Variants in RANBP17 observed in about 807,000 individuals in gnomAD.
The protein encoded by RANBP17 is ran-binding protein 17.
A neutral mutation model predicts 141.2 loss-of-function variants in RANBP17; 158 were observed. That is an observed-to-expected ratio of 1.12 (90% CI 0.98 to 1.28). The LOEUF (loss-of-function observed/expected upper bound fraction) is 1.28. Among genes scored for constraint, RANBP17 ranks in the 50% most tolerant of loss-of-function variants. The pLI is 0.00. For missense variants in RANBP17, 1,438 were observed against 1,290.7 expected (o/e 1.11, Z -1.75); for synonymous variants, 430 against 450.0 (o/e 0.96, Z 0.56).
intron 14 of RANBP17, among the ~76,000 whole-genome samples, chr5:170,974,620 G>C (rs751394254): frequency 6.6e-6 from 1 of 152,150 alleles, no homozygotes; most frequent in Non-Finnish European, 1.5e-5. Flanking sequence ...TGGTGGCCCT[G>C]TCCTTCCAGC....
At chr5:171,082,294 A>G (rs1785303440) in intron 14 of RANBP17, among the ~76,000 whole-genome samples, 1 of 152,144 alleles carries the variant, frequency 6.6e-6, no homozygotes. Flanking sequence ...ATGATGATTA[A>G]TCAGCCATTT....
chr5:170,883,544 A>G (rs1415939452), intron 3 of RANBP17, among the ~76,000 whole-genome samples: 1 of 152,190 alleles, frequency 6.6e-6, no homozygotes, highest in Non-Finnish European at 1.5e-5. Context: ...GTATCCACCA[A>G]TATAGTATTA....
At chr5:170,948,334 C>T (rs779552759) in intron 12 of RANBP17, among the ~76,000 whole-genome samples, 2 of 152,002 alleles carry the variant, frequency 1.3e-5, no homozygotes. Context: ...GAAAAAATGG[C>T]AGATTCCCAA....
intron 12 of RANBP17, among the ~76,000 whole-genome samples, chr5:170,941,630 A>G (rs1774331675): frequency 6.6e-6 from 1 of 152,208 alleles, no homozygotes; most frequent in Non-Finnish European, 1.5e-5. Flanking sequence ...GAAAATGATC[A>G]ATAGCAAATA....
intron 14 of RANBP17, among the ~76,000 whole-genome samples, chr5:170,984,122 A>G (rs1777954601): frequency 6.6e-6 from 1 of 152,168 alleles, no homozygotes; most frequent in African/African-American, 2.4e-5. Context: ...CTGGGAAAGC[A>G]GACACATAGC....
chr5:171,256,744 A>C (rs796706867), intron 24 of RANBP17, among the ~76,000 whole-genome samples: 9 of 152,292 alleles, frequency 5.9e-5, no homozygotes, highest in African/African-American at 2.2e-4. Flanking sequence ...TGATCACAGA[A>C]ATATGAAAGA....
intron 12 of RANBP17, among the ~76,000 whole-genome samples, chr5:170,944,512 C>A (rs1774596696): frequency 6.6e-6 from 1 of 152,188 alleles, no homozygotes; most frequent in South Asian, 2.1e-4. Context: ...AAGTGATGTG[C>A]CTGCCTCAGC....
chr5:171,035,729 CT>C (rs1781831017), intron 14 of RANBP17, among the ~76,000 whole-genome samples: 1 of 72,396 alleles, frequency 1.4e-5, no homozygotes, highest in South Asian at 4.8e-4. Flanking sequence ...CTGTTTGTTT[CT>C]TTTTTTGTTT....
At chr5:171,114,266 T>G (rs1157880682) in intron 14 of RANBP17, among the ~76,000 whole-genome samples, 1 of 152,122 alleles carries the variant, frequency 6.6e-6, no homozygotes. Flanking sequence ...TGGCATACAT[T>G]TTGTATTTTT....
At chr5:171,281,954 C>G (rs1466209021) in intron 25 of RANBP17, among the ~76,000 whole-genome samples, 1 of 152,038 alleles carries the variant, frequency 6.6e-6, no homozygotes, top group Non-Finnish European at 1.5e-5. Flanking sequence ...TTTCCTTGGC[C>G]CCTTGCATTG....
At chr5:171,112,778 A>T (rs114815715) in intron 14 of RANBP17, among the ~76,000 whole-genome samples, 3,031 of 151,874 alleles carry the variant, frequency 0.02, 40 homozygotes, top group Non-Finnish European at 0.03. Context: ...TTTTGTTGGG[A>T]CACAATCTGC....
chr5:170,891,025 A>G (rs1235408864), intron 3 of RANBP17, among the ~76,000 whole-genome samples: 1 of 152,072 alleles, frequency 6.6e-6, no homozygotes, highest in Non-Finnish European at 1.5e-5. Flanking sequence ...GATGGGGTTT[A>G]TTTGTATTTT....
intron 24 of RANBP17, among the ~76,000 whole-genome samples, chr5:171,259,753 A>C (rs570790282): frequency 6.6e-6 from 1 of 152,110 alleles, no homozygotes; most frequent in South Asian, 2.1e-4. Flanking sequence ...GGCTGAGGTC[A>C]GTGGATCACT....
At chr5:171,075,914 C>G (rs1784890810) in intron 14 of RANBP17, among the ~76,000 whole-genome samples, 1 of 152,086 alleles carries the variant, frequency 6.6e-6, no homozygotes, top group African/African-American at 2.4e-5. Flanking sequence ...GATCATGCCA[C>G]TGCACTGCAG....
At chr5:170,950,843 T>C (rs1210047881) in intron 12 of RANBP17, among the ~76,000 whole-genome samples, 1 of 152,106 alleles carries the variant, frequency 6.6e-6, no homozygotes, top group African/African-American at 2.4e-5. Context: ...TTCCCGTTGA[T>C]GGATGGATAA....
intron 14 of RANBP17, among the ~76,000 whole-genome samples, chr5:171,010,111 G>T (rs568536303): frequency 8.5e-5 from 13 of 152,268 alleles, no homozygotes; most frequent in South Asian, 4.1e-4. Flanking sequence ...AAATTTGTAT[G>T]CAGGTTTCCC....
intron 14 of RANBP17, among the ~76,000 whole-genome samples, chr5:171,015,436 T>A (rs1780358744): frequency 6.6e-6 from 1 of 152,158 alleles, no homozygotes; most frequent in Admixed American, 6.6e-5. Flanking sequence ...ATATCCAGTC[T>A]ATTTTTTAAA....
intron 14 of RANBP17, among the ~76,000 whole-genome samples, chr5:171,066,631 G>A (rs1784329158): frequency 6.6e-6 from 1 of 152,182 alleles, no homozygotes; most frequent in Non-Finnish European, 1.5e-5. Context: ...CAGTGAACGT[G>A]GGAGTGGAGA....
At chr5:171,246,345 G>A (rs1423881571) in intron 24 of RANBP17, among the ~76,000 whole-genome samples, 1 of 152,182 alleles carries the variant, frequency 6.6e-6, no homozygotes, top group East Asian at 1.9e-4. Flanking sequence ...CCAACTCAGT[G>A]AGCCTGTTTG....
Sources: gnomAD v4.1 joint callset for allele counts (sites outside exome capture counted in the v4.1 genomes callset) on GRCh38, gnomAD v4.1.1 for gene constraint, MANE v1.5 for transcripts, NCBI Gene and HGNC (gene_info 2026-07-23, HGNC 2026-07-21) for gene names.